LPP: variants seen among roughly 807,000 people sequenced by gnomAD.
LPP encodes the protein lipoma-preferred partner.
A neutral mutation model predicts 60.4 loss-of-function variants in LPP; 38 were observed. The observed-to-expected ratio is 0.63, with a 90% CI of 0.49 to 0.83. The LOEUF is 0.83. LPP is among the 40% of genes least tolerant of loss of function. The pLI is 0.00. For synonymous variants in LPP, 328 were observed against 290.8 expected (o/e 1.13, Z -1.30); for missense variants, 902 against 783.6 (o/e 1.15, Z -1.80).
At chr3:188,442,171 C>T (rs981681859) in intron 4 of LPP, among the ~76,000 whole-genome samples, 8 of 152,078 alleles carry the variant, frequency 5.3e-5, no homozygotes, top group Non-Finnish European at 8.8e-5. Flanking sequence ...ATGTGCACAA[C>T]GTGCAGGTTT....
chr3:188,843,648 G>C (rs1262935422), intron 9 of LPP, among the ~76,000 whole-genome samples: 2 of 150,670 alleles, frequency 1.3e-5, no homozygotes, highest in African/African-American at 5.0e-5. Flanking sequence ...TTAGCCGGGC[G>C]CAGTGGGGGG....
intron 4 of LPP, among the ~76,000 whole-genome samples, chr3:188,414,962 G>C (rs1005325932): frequency 2.0e-5 from 3 of 152,074 alleles, no homozygotes; most frequent in African/African-American, 7.2e-5. Context: ...TTAGAACAAG[G>C]AGAAGTCCCT....
chr3:188,623,345 C>T (rs1333363423), intron 7 of LPP, among the ~76,000 whole-genome samples: 7 of 151,722 alleles, frequency 4.6e-5, no homozygotes, highest in African/African-American at 1.5e-4. Flanking sequence ...TCAACCTCCG[C>T]CTCCCAGGTT....
intron 8 of LPP, among the ~76,000 whole-genome samples, chr3:188,739,460 G>T (rs1723664064): frequency 6.6e-6 from 1 of 152,088 alleles, no homozygotes; most frequent in African/African-American, 2.4e-5. Flanking sequence ...AAAACATGGG[G>T]CAGGTAGAAA....
At chr3:188,657,422 T>C (rs1853538780) in intron 7 of LPP, among the ~76,000 whole-genome samples, 1 of 151,974 alleles carries the variant, frequency 6.6e-6, no homozygotes, top group African/African-American at 2.4e-5. Flanking sequence ...TTATTTGCTA[T>C]ACTTGGCTTT....
chr3:188,482,717 T>C (rs1214533235), intron 4 of LPP, among the ~76,000 whole-genome samples: 1 of 152,228 alleles, frequency 6.6e-6, no homozygotes, highest in Non-Finnish European at 1.5e-5. Context: ...ATTTATGGGA[T>C]TTATAATTGT....
chr3:188,853,863 A>G (rs192593179), intron 9 of LPP, among the ~76,000 whole-genome samples: 20 of 152,198 alleles, frequency 1.3e-4, no homozygotes, highest in African/African-American at 4.3e-4. Flanking sequence ...ACTCACCACA[A>G]ACAACTCTAG....
chr3:188,480,158 C>A (rs1192368092), intron 4 of LPP, among the ~76,000 whole-genome samples: 1 of 152,186 alleles, frequency 6.6e-6, no homozygotes, highest in African/African-American at 2.4e-5. Context: ...ATAGCTAGGT[C>A]CTCCGGAGTC....
rs1048122473 is a variant in LPP, at chr3:188,352,864, A to T, written c.-10+11145A>T. Among the ~76,000 whole-genome samples the T allele has an allele frequency of 2.6e-5, 4 of 152,222 alleles. No homozygotes were observed. The highest frequency in any genetic ancestry group is 5.9e-5 in the Non-Finnish European group (4 of 68,032). ...AGCGACGGGAAAGTGAAGGAGAGTA[A>T]GAAGCCCAGAGTAAATGGCCAAGGT... On this transcript the variant is annotated intron_variant, in intron 3 of 11. Transcript: ENST00000617246. The surrounding 1 kb of genome is among the most constrained non-coding windows in gnomAD (Gnocchi z 4.4).
At chr3:188,386,307 CAT>C (rs1467002446) in intron 3 of LPP, among the ~76,000 whole-genome samples, 2 of 151,064 alleles carry the variant, frequency 1.3e-5, no homozygotes, top group South Asian at 2.1e-4. Context: ...CACACACACA[CAT>C]AATCTCTCTG....
At chr3:188,236,482 G>C (rs1344085136) in intron 2 of LPP, among the ~76,000 whole-genome samples, 3 of 152,284 alleles carry the variant, frequency 2.0e-5, no homozygotes, top group Middle Eastern at 6.8e-3. Context: ...TGTGGCTAGA[G>C]TGAAGTGTGT....
intron 3 of LPP, among the ~76,000 whole-genome samples, chr3:188,404,484 A>T (rs1553888326): frequency 2.0e-5 from 3 of 152,088 alleles, no homozygotes; most frequent in Admixed American, 1.3e-4. Flanking sequence ...GCCTCAAGTG[A>T]TCCTTCTGCC....
intron 9 of LPP, among the ~76,000 whole-genome samples, chr3:188,791,263 T>C (rs1379024737): frequency 6.6e-6 from 1 of 152,194 alleles, no homozygotes; most frequent in Non-Finnish European, 1.5e-5. Context: ...CCTACATTTC[T>C]ATGCTTTTCT....
intron 1 of LPP, among the ~76,000 whole-genome samples, chr3:188,178,061 G>C (rs903904027): frequency 2.0e-5 from 3 of 152,234 alleles, no homozygotes; most frequent in African/African-American, 4.8e-5. Flanking sequence ...CAGTTTACAG[G>C]TGTGAGAAGA....
At chr3:188,368,709 CACACACACACAGAGAG>C (rs1188668281) in intron 3 of LPP, among the ~76,000 whole-genome samples, 28 of 123,350 alleles carry the variant, frequency 2.3e-4, no homozygotes, top group African/African-American at 7.6e-4. Context: ...CACACACACA[CACACACACACAGAGAG>C]AGAGAGAGAG....
At chr3:188,586,452 T>C (rs1352278176) in intron 6 of LPP, among the ~76,000 whole-genome samples, 3 of 152,124 alleles carry the variant, frequency 2.0e-5, no homozygotes, top group African/African-American at 7.2e-5. Flanking sequence ...CCATGTTTAA[T>C]TGATATTAGA....
At chr3:188,319,857 T>C (rs924308321) in intron 2 of LPP, among the ~76,000 whole-genome samples, 2 of 152,210 alleles carry the variant, frequency 1.3e-5, no homozygotes, top group African/African-American at 4.8e-5. Context: ...TTTTCCTAGA[T>C]CTAGTTTAGG....
chr3:188,738,220 T>A (rs1301027482), intron 8 of LPP, among the ~76,000 whole-genome samples: 2 of 152,104 alleles, frequency 1.3e-5, no homozygotes, highest in Admixed American at 1.3e-4. Context: ...ATGATGATGA[T>A]CGGTCACGTT....
At chr3:188,840,234 G>A (rs188196870) in intron 9 of LPP, among the ~76,000 whole-genome samples, 1 of 152,138 alleles carries the variant, frequency 6.6e-6, no homozygotes, top group East Asian at 1.9e-4. Context: ...GATCTTTGTT[G>A]TATCTTTGTT....
Sources: allele counts gnomAD v4.1 joint callset (sites outside exome capture counted in the v4.1 genomes callset), GRCh38; gene constraint gnomAD v4.1.1; non-coding constraint Gnocchi (gnomAD v3.1); transcripts MANE v1.5; gene names NCBI Gene and HGNC (gene_info 2026-07-23, HGNC 2026-07-21).